INPP4B: variants seen among roughly 807,000 people sequenced by gnomAD.
INPP4B encodes inositol polyphosphate-4-phosphatase type II B, also known as inositol polyphosphate 4-phosphatase type II.
Under a neutral mutation model 122.5 loss-of-function variants are expected in INPP4B, and 55 were observed. The observed-to-expected ratio is 0.45, with a 90% CI of 0.36 to 0.56. INPP4B has a LOEUF of 0.56. INPP4B is among the 20% of genes least tolerant of loss of function. The probability of loss-of-function intolerance (pLI) is 0.00; values close to 1 mark genes in which losing one functional copy is unlikely to be tolerated. For missense variants in INPP4B, 1,000 were observed against 1,097.7 expected, an observed-to-expected ratio of 0.91 and a Z score of 1.26; for synonymous variants, 403 against 388.7, an observed-to-expected ratio of 1.04 and a Z score of -0.43.
At chr4:142,215,892 C>CAAAAAAAAAAAAAAAAAAAAA (rs200657873) in intron 12 of INPP4B, among the ~76,000 whole-genome samples, 1 of 54,578 alleles carries the variant, frequency 1.8e-5, no homozygotes, top group African/African-American at 7.5e-5. Flanking sequence ...GACTCTGTCT[C>CAAAAAAAAAAAAAAAAAAAAA]AAAAAAAAAA....
chr4:142,642,811 A>C (rs1199352082), intron 2 of INPP4B, among the ~76,000 whole-genome samples: 2 of 152,202 alleles, frequency 1.3e-5, no homozygotes, highest in Non-Finnish European at 2.9e-5. Flanking sequence ...GAAGAAAGTT[A>C]TGGGTAGCTT....
chr4:142,137,694 A>C lies in INPP4B; in HGVS notation c.1720+8146T>G, dbSNP rs1256319120. Among the ~76,000 whole-genome samples the C allele has an allele frequency of 2.2e-4, 32 of 144,566 alleles. 1 individual carries two copies. Among genetic ancestry groups the C allele is most frequent in the Non-Finnish European group, 2.1e-4 (14 of 65,888 alleles). The allele number at this position is 144,566 out of a possible 152,430, so 94.8% of individuals were successfully genotyped here. The stretch of plus-strand genomic sequence containing the variant: ...GAACTCAAACAAATTTACAAGAAAA[A>C]AACAAACAACCCCATCAAAAAGTGG... On this transcript the variant is annotated intron_variant, in intron 18 of 25. Coordinates refer to ENST00000262992, the MANE Select transcript of INPP4B (RefSeq NM_001101669.3).
chr4:142,545,759 G>GTGTATATATATACACACA (rs1560782243), intron 2 of INPP4B, among the ~76,000 whole-genome samples: 1 of 70,844 alleles, frequency 1.4e-5, no homozygotes, highest in African/African-American at 4.6e-5. Context: ...ATATACACAT[G>GTGTATATATATACACACA]TATATGTGTG....
chr4:142,531,098 G>T (rs986870740), intron 2 of INPP4B, among the ~76,000 whole-genome samples: 1 of 152,218 alleles, frequency 6.6e-6, no homozygotes. Flanking sequence ...AGGAGCAGAT[G>T]TTGGTTTGGA....
chr4:142,323,389 T>G (rs1246943731), intron 7 of INPP4B, among the ~76,000 whole-genome samples: 2 of 151,982 alleles, frequency 1.3e-5, no homozygotes, highest in African/African-American at 4.8e-5. Flanking sequence ...AGGTCTTCAT[T>G]GCACCTAAAC....
At chr4:142,174,060 T>C (rs1181364137) in intron 15 of INPP4B, among the ~76,000 whole-genome samples, 1 of 152,090 alleles carries the variant, frequency 6.6e-6, no homozygotes, top group Non-Finnish European at 1.5e-5. Context: ...TGATTACATA[T>C]ATGTCAAGTA....
chr4:142,179,623 C>A (rs960220583), intron 15 of INPP4B, among the ~76,000 whole-genome samples: 2 of 149,856 alleles, frequency 1.3e-5, no homozygotes, highest in Non-Finnish European at 3.0e-5. Flanking sequence ...TTTACTGGTT[C>A]AGAACACAGT....
At position 142,634,966 on chromosome 4, in the gene INPP4B, C is replaced by T. The variant is rs561965974; in HGVS notation, c.-191+90873G>A. On this transcript the variant is annotated intron_variant, in intron 2 of 25. Transcript: ENST00000262992. ...TAAGTTAGTTATGTTATGCATCTGACGAAGGTCTAATATCCAGCATCTATA... is the reference window on the plus strand; with the variant it reads ...TAAGTTAGTTATGTTATGCATCTGATGAAGGTCTAATATCCAGCATCTATA... Among the ~76,000 whole-genome samples, 102 of 151,982 alleles carry T rather than the reference C, an allele frequency of 6.7e-4. No homozygotes were observed. The Middle Eastern group carries it at 0.014, about 20-fold the overall frequency.
At chr4:142,256,224 T>C (rs1735939104) in intron 11 of INPP4B, among the ~76,000 whole-genome samples, 2 of 151,116 alleles carry the variant, frequency 1.3e-5, no homozygotes, top group South Asian at 2.1e-4. Flanking sequence ...GGGAAATTTA[T>C]AGCACTAAAT....
At chr4:142,057,842 C>G (rs1259025695) in intron 25 of INPP4B, among the ~76,000 whole-genome samples, 2 of 152,082 alleles carry the variant, frequency 1.3e-5, no homozygotes, top group African/African-American at 4.8e-5. Flanking sequence ...TTTTATCTAT[C>G]TATATAGCTA....
chr4:142,633,936 G>A (rs1484576820), intron 2 of INPP4B, among the ~76,000 whole-genome samples: 2 of 152,006 alleles, frequency 1.3e-5, no homozygotes, highest in South Asian at 4.2e-4. Context: ...TGAGGCAGGA[G>A]GATCAGCTGA....
At chr4:142,192,794 T>C (rs1836554843) in intron 15 of INPP4B, among the ~76,000 whole-genome samples, 1 of 152,190 alleles carries the variant, frequency 6.6e-6, no homozygotes, top group South Asian at 2.1e-4. Flanking sequence ...GCTAAATCTC[T>C]GAACACTCCT....
At chr4:142,344,714 G>C (rs1056837553) in intron 7 of INPP4B, among the ~76,000 whole-genome samples, 1 of 152,008 alleles carries the variant, frequency 6.6e-6, no homozygotes, top group Non-Finnish European at 1.5e-5. Flanking sequence ...GGGCCTATCA[G>C]AGGGTGGAGA....
intron 7 of INPP4B, among the ~76,000 whole-genome samples, chr4:142,400,832 T>C (rs1040543143): frequency 2.6e-5 from 4 of 152,196 alleles, no homozygotes; most frequent in African/African-American, 4.8e-5. Flanking sequence ...AAAAGCATAA[T>C]TAATGAGTAC....
chr4:142,138,302 C>T (rs1165918359), intron 18 of INPP4B, among the ~76,000 whole-genome samples: 116 of 147,058 alleles, frequency 7.9e-4, no homozygotes, highest in Non-Finnish European at 1.4e-3. Flanking sequence ...AACCAAACAC[C>T]GCATGTTCTC....
At chr4:142,750,731 G>A (rs1334599894) in intron 1 of INPP4B, among the ~76,000 whole-genome samples, 3 of 152,018 alleles carry the variant, frequency 2.0e-5, no homozygotes. Flanking sequence ...TTGGCAGATG[G>A]GTCTAATCAG....
chr4:142,225,769 A>T (rs1283016539), intron 12 of INPP4B, among the ~76,000 whole-genome samples: 4 of 152,064 alleles, frequency 2.6e-5, no homozygotes, highest in Non-Finnish European at 5.9e-5. Context: ...TTCTCCTGGG[A>T]ACTTTTATTG....
chr4:142,794,038 G>C (rs908672240), intron 1 of INPP4B, among the ~76,000 whole-genome samples: 3 of 151,896 alleles, frequency 2.0e-5, no homozygotes, highest in African/African-American at 7.2e-5. Context: ...GGTTATTTTT[G>C]GTGATAGTGT....
chr4:142,540,219 G>A (rs901936964), intron 2 of INPP4B, among the ~76,000 whole-genome samples: 2 of 151,938 alleles, frequency 1.3e-5, no homozygotes, highest in African/African-American at 4.8e-5. Flanking sequence ...TGGAGACCTT[G>A]AATAATAAAA....
Sources: allele counts gnomAD v4.1 joint callset (sites outside exome capture counted in the v4.1 genomes callset), GRCh38; gene constraint gnomAD v4.1.1; transcripts MANE v1.5; gene names NCBI Gene and HGNC (gene_info 2026-07-23, HGNC 2026-07-21).